TMEM232: variants seen among roughly 807,000 people sequenced by gnomAD.
TMEM232 encodes the protein transmembrane protein 232.
TMEM232 carries 80 observed loss-of-function variants against 78.8 expected under a neutral mutation model. The ratio of observed to expected loss-of-function variants is 1.01; its 90% CI spans 0.85 to 1.22. The LOEUF (loss-of-function observed/expected upper bound fraction) is 1.22. Among genes scored for constraint, TMEM232 ranks in the 50% most tolerant of loss-of-function variants. The pLI is 0.00. For synonymous variants in TMEM232, 297 were observed against 254.3 expected (o/e 1.17, Z -1.60); for missense variants, 881 against 742.2 (o/e 1.19, Z -2.17).
chr5:110,447,692 T>A (rs921699858), intron 12 of TMEM232, among the ~76,000 whole-genome samples: 2 of 152,034 alleles, frequency 1.3e-5, no homozygotes, highest in South Asian at 4.1e-4. Context: ...AAATAGGGGC[T>A]GAAAGTCGCA....
intron 1 of TMEM232, chr5:110,684,712 A>G (rs1279832242): frequency 6.6e-6 from 1 of 152,198 alleles, no homozygotes; most frequent in African/African-American, 2.4e-5. Context: ...AAATGGACAT[A>G]TAGAGAATTC....
At chr5:110,723,994 T>C (rs1379080696) in intron 1 of TMEM232, among the ~76,000 whole-genome samples, 1 of 152,144 alleles carries the variant, frequency 6.6e-6, no homozygotes, top group Non-Finnish European at 1.5e-5. Flanking sequence ...GCCTGGAACA[T>C]TTATGGCATT....
chr5:110,521,679 G>A (rs1342104961), intron 12 of TMEM232, among the ~76,000 whole-genome samples: 1 of 152,072 alleles, frequency 6.6e-6, no homozygotes, highest in Admixed American at 6.5e-5. Context: ...TGGATATCCA[G>A]CTTTCCTAGC....
chr5:110,460,219 A>G (rs1485097000), intron 12 of TMEM232, among the ~76,000 whole-genome samples: 2 of 152,146 alleles, frequency 1.3e-5, no homozygotes, highest in Non-Finnish European at 1.5e-5. Flanking sequence ...GGTCTGAGGA[A>G]TACACTGGGG....
intron 12 of TMEM232, among the ~76,000 whole-genome samples, chr5:110,517,398 T>C (rs753508402): frequency 9.2e-5 from 14 of 152,244 alleles, no homozygotes; most frequent in Non-Finnish European, 1.8e-4. Context: ...CTTCAATGCA[T>C]AGCTTAGATT....
chr5:110,399,440 T>C (rs568499105), intron 2 of TMEM232, among the ~76,000 whole-genome samples: 6 of 152,298 alleles, frequency 3.9e-5, no homozygotes, highest in Admixed American at 3.9e-4. Flanking sequence ...AAAATATGCT[T>C]AATCCCTTTG....
At chr5:110,687,306 T>G (rs988672039) in intron 1 of TMEM232, among the ~76,000 whole-genome samples, 2 of 152,140 alleles carry the variant, frequency 1.3e-5, no homozygotes, top group Non-Finnish European at 2.9e-5. Context: ...CACGTGTAAC[T>G]GCTGCTAATT....
At position 110,714,186 on chromosome 5, in the gene TMEM232, G is replaced by A. The variant is rs1580767347; in HGVS notation, c.-13+12441C>T. 2.6e-5 allele frequency among the ~76,000 whole-genome samples: 4 copies of A among 152,246 alleles called. 1 individual carries two copies. Among genetic ancestry groups the A allele is most frequent in the Admixed American group, 2.6e-4 (4 of 15,284 alleles). On this transcript the variant is annotated intron_variant, in intron 1 of 13. Transcript: ENST00000455884. ...ATAATTTGGCAAGTTGGAACTCCCT[G>A]CTGCAGGGCTGGAGGCTGTCAAACA...
chr5:110,532,763 C>T (rs531903888), intron 11 of TMEM232, among the ~76,000 whole-genome samples: 3 of 152,156 alleles, frequency 2.0e-5, no homozygotes, highest in Non-Finnish European at 2.9e-5. Flanking sequence ...CCGTCCTTGG[C>T]GACCGATCAT....
intron 1 of TMEM232, among the ~76,000 whole-genome samples, chr5:110,717,134 C>T (rs1797092158): frequency 6.6e-6 from 1 of 152,008 alleles, no homozygotes; most frequent in Non-Finnish European, 1.5e-5. Flanking sequence ...CCTTTATATC[C>T]TCTCCTGGTC....
intron 12 of TMEM232, among the ~76,000 whole-genome samples, chr5:110,445,710 T>C (rs1001633981): frequency 6.6e-6 from 1 of 152,162 alleles, no homozygotes; most frequent in African/African-American, 2.4e-5. Flanking sequence ...AGTTCAACTA[T>C]GGGAAGAGTC....
intron 13 of TMEM232, among the ~76,000 whole-genome samples, chr5:110,421,102 TGAAAGCAAAACA>T (rs538730411): frequency 3.6e-4 from 54 of 151,886 alleles, no homozygotes; most frequent in African/African-American, 1.3e-3. Context: ...AAGAACGAGA[TGAAAGCAAAACA>T]GAAAGAAAAA....
At chr5:110,443,180 C>T (rs1404258622) in intron 12 of TMEM232, among the ~76,000 whole-genome samples, 1 of 152,120 alleles carries the variant, frequency 6.6e-6, no homozygotes. Context: ...CATTGTGCTC[C>T]CCCCGCTCCT....
Position 110,695,462 on chromosome 5 carries a change from C to A in TMEM232, c.-12-28098G>T, listed in dbSNP as rs535067584. Among the ~76,000 whole-genome samples the A allele has an allele frequency of 6.2e-4, 95 of 152,200 alleles. 1 individual carries two copies. In the South Asian group the frequency reaches 0.018, roughly 29 times the overall value. ...AGCAATAACTAAAATCAGAGCAGAA[C>A]TGAAGGGAATAGAGACACAAAAAAC... is the stretch of plus-strand genomic sequence containing the variant. On this transcript the variant is annotated intron_variant, in intron 1 of 13. Transcript: ENST00000455884.
intron 10 of TMEM232, among the ~76,000 whole-genome samples, chr5:110,581,077 G>T (rs1038808204): frequency 1.4e-4 from 21 of 151,526 alleles, no homozygotes; most frequent in African/African-American, 4.8e-4. Context: ...TCATAAAATG[G>T]CTATACTGCC....
Position 110,584,341 on chromosome 5 carries a change from A to G in TMEM232, c.1277-15716T>C, listed in dbSNP as rs547944728. On this transcript the variant is annotated intron_variant, in intron 10 of 13. Coordinates refer to ENST00000455884, the MANE Select transcript of TMEM232 (RefSeq NM_001039763.4). ...CCAAGAAGAAAAAGAAAATCCTGCAATATGCAACAACATGGATGAAGCCTG... is the reference window on the plus strand; with the variant it reads ...CCAAGAAGAAAAAGAAAATCCTGCAGTATGCAACAACATGGATGAAGCCTG... 3.7e-4 allele frequency among the ~76,000 whole-genome samples: 57 copies of G among 152,208 alleles called. No homozygotes were observed. In the Middle Eastern group the frequency reaches 0.014, roughly 36 times the overall value.
At chr5:110,540,237 T>C (rs911738054) in intron 11 of TMEM232, among the ~76,000 whole-genome samples, 10 of 152,170 alleles carry the variant, frequency 6.6e-5, no homozygotes, top group Admixed American at 1.3e-4. Flanking sequence ...TCAAAAAAGC[T>C]GGATGGAGTG....
intron 12 of TMEM232, among the ~76,000 whole-genome samples, chr5:110,506,303 G>C (rs1350716140): frequency 6.6e-6 from 1 of 152,104 alleles, no homozygotes; most frequent in African/African-American, 2.4e-5. Flanking sequence ...TTGGAGGCAA[G>C]TCTGTTTTCC....
chr5:110,670,671 C>A (rs1791240264), intron 1 of TMEM232, among the ~76,000 whole-genome samples: 1 of 151,860 alleles, frequency 6.6e-6, no homozygotes, highest in South Asian at 2.1e-4. Flanking sequence ...GGAGTGCCAT[C>A]CAGACTGGGT....
Sources: gnomAD v4.1 joint callset for allele counts (sites outside exome capture counted in the v4.1 genomes callset) on GRCh38, gnomAD v4.1.1 for gene constraint, MANE v1.5 for transcripts, NCBI Gene and HGNC (gene_info 2026-07-23, HGNC 2026-07-21) for gene names.